The following PCDHGA8 variants were observed in gnomAD, a reference collection of about 807,000 sequenced individuals.
The protein encoded by PCDHGA8 is protocadherin gamma subfamily A, 8, also known as protocadherin gamma-A8.
A neutral mutation model predicts 59.2 loss-of-function variants in PCDHGA8; 45 were observed. That is an observed-to-expected ratio of 0.76 (90% confidence interval 0.60 to 0.98). The LOEUF (loss-of-function observed/expected upper bound fraction) is 0.98. Ranked by LOEUF, PCDHGA8 falls within the 50% of genes least tolerant of loss-of-function variation. The probability of loss-of-function intolerance (pLI) is 0.00; values close to 1 mark genes in which losing one functional copy is unlikely to be tolerated. For missense variants in PCDHGA8, 1,257 were observed against 1,196.2 expected (o/e 1.05, Z -0.75); for synonymous variants, 531 against 519.0 (o/e 1.02, Z -0.32).
At chr5:141,408,513 T>C in intron 1 of PCDHGA8, 2 of 1,614,034 alleles carry the variant, frequency 1.2e-6, no homozygotes, top group East Asian at 4.5e-5. Context: ...AGATGTGAGT[T>C]GCAATTGGAA....
intron 1 of PCDHGA8, among the ~76,000 whole-genome samples, chr5:141,401,496 C>T (rs909382274): frequency 6.6e-6 from 1 of 152,190 alleles, no homozygotes; most frequent in African/African-American, 2.4e-5. Context: ...GATGCAAAAT[C>T]CTTTTCCACC....
At chr5:141,440,631 A>C (rs1036203175) in intron 1 of PCDHGA8, 2 of 152,224 alleles carry the variant, frequency 1.3e-5, no homozygotes, top group African/African-American at 4.8e-5. Flanking sequence ...ATGTTGAGAG[A>C]AATTCCTTAC....
intron 2 of PCDHGA8, 36 bp from the exon 3 acceptor site, chr5:141,505,357 T>A (rs1026098450): frequency 6.2e-7 from 1 of 1,613,762 alleles, no homozygotes; most frequent in African/African-American, 1.3e-5. Context: ...TGTGCCGGCC[T>A]GGGAGTCTGT....
chr5:141,403,358 G>C (rs1031210052), intron 1 of PCDHGA8: 3 of 1,614,026 alleles, frequency 1.9e-6, no homozygotes, highest in Non-Finnish European at 2.5e-6. Flanking sequence ...GTTCCAGGCC[G>C]AAAGTCTGGA....
intron 1 of PCDHGA8, among the ~76,000 whole-genome samples, chr5:141,469,162 G>A (rs2099192596): frequency 6.6e-6 from 1 of 152,062 alleles, no homozygotes; most frequent in Admixed American, 6.6e-5. Flanking sequence ...TGTAGTCCCA[G>A]CTACTTGGGA....
intron 1 of PCDHGA8, among the ~76,000 whole-genome samples, chr5:141,464,702 G>T (rs934638404): frequency 1.3e-5 from 2 of 151,942 alleles, no homozygotes; most frequent in African/African-American, 2.4e-5. Context: ...TATGAATGAG[G>T]TTAAATAGTT....
Position 141,405,054 on chromosome 5 carries a change from C to G in PCDHGA8, c.2424+9817C>G, listed in dbSNP as rs773491411. ...CTCGTTGTGGCTGTGGCAGTCGTCT[C>G]CTGTGTCTTCCTCACCTTCGTTATC... On this transcript the variant is annotated intron_variant, in intron 1 of 3. Transcript: ENST00000398604. The G allele has an allele frequency of 2.3e-5, 37 of 1,613,806 alleles. 1 individual carries two copies. The South Asian group carries it at 4.1e-4, about 18-fold the overall frequency.
At chr5:141,451,018 C>T (rs1307161489) in intron 1 of PCDHGA8, among the ~76,000 whole-genome samples, 7 of 151,264 alleles carry the variant, frequency 4.6e-5, no homozygotes, top group African/African-American at 1.5e-4. Flanking sequence ...TTAGTAGAGA[C>T]GAGGTTTCAC....
intron 1 of PCDHGA8, chr5:141,410,485 A>C (rs1277289074): frequency 6.2e-7 from 1 of 1,613,898 alleles, no homozygotes; most frequent in Admixed American, 1.7e-5. Context: ...ATACGGGTAC[A>C]AAAGAGTTTA....
intron 1 of PCDHGA8, chr5:141,400,754 C>A (rs6880273): frequency 0.26 from 150,367 of 588,610 alleles, 21,664 homozygotes; most frequent in African/African-American, 0.5. Context: ...TTAGCTTCCT[C>A]TCTAGCAAAA....
At position 141,485,709 on chromosome 5, in the gene PCDHGA8, C is replaced by A. The variant is rs2099618118; in HGVS notation, c.2425-9098C>A. On this transcript the variant is annotated intron_variant, in intron 1 of 3. Transcript: ENST00000398604. This position sits in a 1 kb window ranked among gnomAD's most constrained non-coding sequence, Gnocchi z 5.7. ...AGGCTGAGCTCCAATGAACACTTTGCACTGGATGTGAAGAAGCGCAGCGAC... is the reference window on the plus strand; with the variant it reads ...AGGCTGAGCTCCAATGAACACTTTGAACTGGATGTGAAGAAGCGCAGCGAC... The A allele has an allele frequency of 1.2e-6, 2 of 1,614,128 alleles. No homozygotes were observed. The highest frequency in any genetic ancestry group is 1.7e-6 in the Non-Finnish European group (2 of 1,180,028).
At position 141,476,097 on chromosome 5, in the gene PCDHGA8, A is replaced by G. The variant is rs1366023758; in HGVS notation, c.2425-18710A>G. 1 of 1,571,812 alleles carries G rather than the reference A, an allele frequency of 6.4e-7. No individual in the cohort carries two copies. Among genetic ancestry groups the G allele is most frequent in the African/African-American group, 1.4e-5 (1 of 73,826 alleles). ...CAGGGACGATCTGGACCCCGCTGAG[A>G]GGAACTGCTTTTGAGTGAGATGGTC... On this transcript the variant is annotated intron_variant, in intron 1 of 3. Coordinates refer to ENST00000398604, the MANE Select transcript of PCDHGA8 (RefSeq NM_032088.2). The surrounding 1 kb of genome is among the most constrained non-coding windows in gnomAD (Gnocchi z 7.6).
intron 1 of PCDHGA8, among the ~76,000 whole-genome samples, chr5:141,434,831 A>T (rs1328843764): frequency 6.6e-6 from 1 of 151,904 alleles, no homozygotes; most frequent in East Asian, 1.9e-4. Flanking sequence ...TACACTTGGC[A>T]TTTATAAAGC....
Position 141,394,871 on chromosome 5 carries a change from T to A in PCDHGA8, c.2058T>A (p.Asp686Glu). 6.2e-7 allele frequency: 1 copy of A among 1,613,814 alleles called. No individual in the cohort carries two copies. The highest frequency in any genetic ancestry group is 8.5e-7 in the Non-Finnish European group (1 of 1,179,890). Residue 686 changes from aspartate to glutamate, a missense_variant, in exon 1 of 4, where the codon GAT (aspartate) becomes GAA (glutamate). By Grantham distance (45) the Asp-to-Glu change is conservative (BLOSUM62 2). Transcript: ENST00000398604. ...GSLKPSVDPN[D>E]SSLTLYLVVA... is the part of the protein sequence containing the mutation. The stretch of plus-strand genomic sequence containing the variant: ...TGAAGCCTTCGGTCGACCCGAACGA[T>A]TCGAGCCTTACACTCTATCTCGTGG...
intron 1 of PCDHGA8, chr5:141,413,714 A>T: frequency 6.2e-7 from 1 of 1,613,586 alleles, no homozygotes; most frequent in Non-Finnish European, 8.5e-7. Flanking sequence ...AGCCCCAATA[A>T]GCACTTCTCC....
At chr5:141,397,920 T>A (rs2093586320) in intron 1 of PCDHGA8, 15 of 727,102 alleles carry the variant, frequency 2.1e-5, no homozygotes, top group Non-Finnish European at 3.3e-5. Flanking sequence ...CCAGATCTCC[T>A]CGCGCAGCCG....
At chr5:141,473,439 A>G (rs2099322281) in intron 1 of PCDHGA8, among the ~76,000 whole-genome samples, 1 of 152,210 alleles carries the variant, frequency 6.6e-6, no homozygotes, top group African/African-American at 2.4e-5. Flanking sequence ...TTGCTTATGC[A>G]AAAATAATTA....
chr5:141,404,828 G>T, intron 1 of PCDHGA8: 1 of 1,609,938 alleles, frequency 6.2e-7, no homozygotes, highest in Non-Finnish European at 8.5e-7. Flanking sequence ...CACAGGTGAA[G>T]TGCGCACAGC....
chr5:141,403,809 A>C (rs1242181843), intron 1 of PCDHGA8: 1 of 1,613,904 alleles, frequency 6.2e-7, no homozygotes, highest in South Asian at 1.1e-5. Flanking sequence ...AAAATTAATG[A>C]AAAACAATCT....
Sources: gnomAD v4.1 joint callset for allele counts (sites outside exome capture counted in the v4.1 genomes callset) on GRCh38, gnomAD v4.1.1 for gene constraint, Gnocchi (gnomAD v3.1) non-coding constraint, MANE v1.5 for transcripts, NCBI Gene and HGNC (gene_info 2026-07-23, HGNC 2026-07-21) for gene names.